Variants in SMAP1 observed in about 807,000 individuals in gnomAD.
The protein encoded by SMAP1 is stromal membrane-associated protein 1.
In SMAP1, 24 loss-of-function variants were observed where a neutral mutation model predicts 58.5. The observed-to-expected ratio is 0.41, with a 90% CI of 0.30 to 0.58. The LOEUF is 0.58. Among genes scored for constraint, SMAP1 ranks in the 20% least tolerant of loss-of-function variants. The pLI, the probability that SMAP1 is intolerant of heterozygous loss-of-function variation, is 0.29. For synonymous variants in SMAP1, 216 were observed against 196.6 expected, an observed-to-expected ratio of 1.10 and a Z score of -0.82; for missense variants, 563 against 566.3, an observed-to-expected ratio of 0.99 and a Z score of 0.06.
At chr6:70,752,225 A>G (rs1766308696) in intron 2 of SMAP1, among the ~76,000 whole-genome samples, 1 of 152,194 alleles carries the variant, frequency 6.6e-6, no homozygotes, top group South Asian at 2.1e-4. Flanking sequence ...TTTGTGCCTC[A>G]GTTTCCTCTC....
chr6:70,738,787 T>C (rs1765711354), intron 2 of SMAP1, among the ~76,000 whole-genome samples: 1 of 152,098 alleles, frequency 6.6e-6, no homozygotes, highest in Non-Finnish European at 1.5e-5. Context: ...AAAAAACAAC[T>C]AAAACTACAG....
At chr6:70,823,330 TTA>T (rs1193070356) in intron 6 of SMAP1, among the ~76,000 whole-genome samples, 1 of 152,142 alleles carries the variant, frequency 6.6e-6, no homozygotes, top group Non-Finnish European at 1.5e-5. Context: ...TGCCCCTATG[TTA>T]TATACTTCAC....
At chr6:70,844,265 C>G (rs539717592) in intron 7 of SMAP1, among the ~76,000 whole-genome samples, 1 of 152,294 alleles carries the variant, frequency 6.6e-6, no homozygotes, top group East Asian at 1.9e-4. Flanking sequence ...ATCAGTTCTA[C>G]AAAGCTTCCT....
intron 1 of SMAP1, among the ~76,000 whole-genome samples, chr6:70,716,051 A>C (rs1276396254): frequency 1.3e-5 from 2 of 152,218 alleles, no homozygotes; most frequent in Non-Finnish European, 2.9e-5. Context: ...CAGGTTGCTG[A>C]GAATGCCATT....
At chr6:70,769,967 G>C (rs1248706782) in intron 3 of SMAP1, among the ~76,000 whole-genome samples, 13 of 151,444 alleles carry the variant, frequency 8.6e-5, no homozygotes, top group Non-Finnish European at 1.3e-4. Context: ...AAATCTCTCA[G>C]CATTTGCTTG....
chr6:70,839,964 C>T (rs1770739762), intron 7 of SMAP1, among the ~76,000 whole-genome samples: 1 of 152,078 alleles, frequency 6.6e-6, no homozygotes, highest in Admixed American at 6.5e-5. Context: ...CACCTTGGGC[C>T]TCAGGCTATT....
chr6:70,671,665 C>T (rs1352705362), intron 1 of SMAP1, among the ~76,000 whole-genome samples: 1 of 152,210 alleles, frequency 6.6e-6, no homozygotes, highest in Non-Finnish European at 1.5e-5. Context: ...CAGCCCTTGG[C>T]AGACACTATT....
At chr6:70,686,962 T>C (rs1766960997) in intron 1 of SMAP1, among the ~76,000 whole-genome samples, 1 of 152,206 alleles carries the variant, frequency 6.6e-6, no homozygotes, top group African/African-American at 2.4e-5. Flanking sequence ...ATACTGATGA[T>C]GATGATTTTT....
chr6:70,783,283 A>G (rs921537248), intron 4 of SMAP1, among the ~76,000 whole-genome samples: 5 of 152,212 alleles, frequency 3.3e-5, no homozygotes, highest in Admixed American at 2.0e-4. Context: ...AAGGACATCC[A>G]CACCAGAAAC....
At chr6:70,742,167 C>G (rs1010121034) in intron 2 of SMAP1, among the ~76,000 whole-genome samples, 2 of 152,214 alleles carry the variant, frequency 1.3e-5, no homozygotes, top group Non-Finnish European at 2.9e-5. Context: ...ACGCAGATTT[C>G]TGCAACCGGG....
At position 70,758,660 on chromosome 6, in the gene SMAP1, A is replaced by G. The variant is rs763308044; in HGVS notation, c.338+3595A>G. On this transcript the variant is annotated intron_variant, in intron 3 of 10. Coordinates refer to ENST00000370455, the MANE Select transcript of SMAP1 (RefSeq NM_001044305.3). ...TAGAAGCAGAGAGACCATGTGAAAT[A>G]CTTATACAGCCCAAAATTAGCAATG... Among the ~76,000 whole-genome samples the G allele has an allele frequency of 3.6e-4, 55 of 152,020 alleles. 1 individual carries two copies. Among genetic ancestry groups the G allele is most frequent in the Admixed American group, 2.0e-4 (3 of 15,214 alleles).
intron 6 of SMAP1, among the ~76,000 whole-genome samples, chr6:70,827,406 G>T (rs778903153): frequency 1.3e-4 from 20 of 152,088 alleles, no homozygotes; most frequent in Non-Finnish European, 2.5e-4. Flanking sequence ...TTGAATTTTA[G>T]ATGACCAAAG....
In SMAP1 at chr6:70,732,368, TC is replaced by T. The variant is rs748009881; in HGVS notation, c.119-9del. ...TTTGCTTTTTTTTGTGGTTTCTTCT[TC>T]TAAATTAGGTCCTCGATGGGCTTCC... On this transcript the variant is annotated splice_polypyrimidine_tract_variant and intron_variant, in intron 1 of 10. Coordinates refer to ENST00000370455, the MANE Select transcript of SMAP1 (RefSeq NM_001044305.3). The T allele has an allele frequency of 6.2e-7, 1 of 1,600,634 alleles. No individual in the cohort carries two copies. The highest frequency in any genetic ancestry group is 8.5e-7 in the Non-Finnish European group (1 of 1,174,886).
At chr6:70,704,366 C>T (rs1767752892) in intron 1 of SMAP1, among the ~76,000 whole-genome samples, 1 of 152,138 alleles carries the variant, frequency 6.6e-6, no homozygotes, top group African/African-American at 2.4e-5. Context: ...TCTGAATCAA[C>T]TTATAGAGGA....
At chr6:70,748,198 A>T (rs757720430) in intron 2 of SMAP1, among the ~76,000 whole-genome samples, 1 of 152,242 alleles carries the variant, frequency 6.6e-6, no homozygotes, top group Admixed American at 6.5e-5. Flanking sequence ...TTCAAGTGGT[A>T]GTAGAGGTGA....
chr6:70,769,158 G>C lies in SMAP1; in HGVS notation c.339-4192G>C, dbSNP rs575534707. ...TGATCTTTTACATTTGCTGAGGAGA[G>C]CTTTACTTCCAACTATGTGGTCAAT... On this transcript the variant is annotated intron_variant, in intron 3 of 10. Coordinates refer to ENST00000370455, the MANE Select transcript of SMAP1 (RefSeq NM_001044305.3). 2.4e-3 allele frequency among the ~76,000 whole-genome samples: 364 copies of C among 152,246 alleles called. 1 individual carries two copies. The highest frequency in any genetic ancestry group is 6.4e-3 in the African/African-American group (264 of 41,526).
intron 2 of SMAP1, among the ~76,000 whole-genome samples, chr6:70,736,220 T>A (rs1216459960): frequency 6.6e-6 from 1 of 152,216 alleles, no homozygotes; most frequent in Non-Finnish European, 1.5e-5. Flanking sequence ...TACTTTGATT[T>A]TTAATAACAT....
chr6:70,731,343 C>G (rs972968305), intron 1 of SMAP1, among the ~76,000 whole-genome samples: 1 of 152,068 alleles, frequency 6.6e-6, no homozygotes, highest in African/African-American at 2.4e-5. Context: ...GACTTGTATT[C>G]TTGTATTCAT....
intron 2 of SMAP1, among the ~76,000 whole-genome samples, chr6:70,744,337 C>A (rs149740239): frequency 6.6e-6 from 1 of 152,042 alleles, no homozygotes; most frequent in African/African-American, 2.4e-5. Context: ...CCCACACCCC[C>A]GATAGGCCCC....
Sources: gnomAD v4.1 joint callset for allele counts (sites outside exome capture counted in the v4.1 genomes callset) on GRCh38, gnomAD v4.1.1 for gene constraint, MANE v1.5 for transcripts, NCBI Gene and HGNC (gene_info 2026-07-23, HGNC 2026-07-21) for gene names.